The following SYT5 variants were observed in gnomAD, a reference collection of about 807,000 sequenced individuals.
SYT5 encodes the protein synaptotagmin-5.
In SYT5, 29 loss-of-function variants were observed where a neutral mutation model predicts 36.0. The ratio of observed to expected loss-of-function variants is 0.81; its 90% CI spans 0.60 to 1.10. SYT5 has a LOEUF of 1.10. Among genes scored for constraint, SYT5 ranks in the 50% least tolerant of loss-of-function variants. The pLI, the probability that SYT5 is intolerant of heterozygous loss-of-function variation, is 0.00. For synonymous variants in SYT5, 231 were observed against 227.6 expected, an observed-to-expected ratio of 1.02 and a Z score of -0.14; for missense variants, 512 against 516.0, an observed-to-expected ratio of 0.99 and a Z score of 0.08.
Position 55,175,094 on chromosome 19 carries a change from A to G in SYT5, c.708+78T>C, listed in dbSNP as rs369241882. On this transcript the variant is annotated intron_variant, in intron 6 of 8. Transcript: ENST00000354308. The surrounding 1 kb of genome is among the most constrained non-coding windows in gnomAD (Gnocchi z 4.5). Reference sequence around the variant, plus strand: ...GCCGCCCTGAGGGTCTGGAAAGCCTATGATCTGATTGGCTCAGGATGTTGT... The same window carrying G: ...GCCGCCCTGAGGGTCTGGAAAGCCTGTGATCTGATTGGCTCAGGATGTTGT... 3.8e-6 allele frequency: 6 copies of G among 1,589,784 alleles called. No individual in the cohort carries two copies. The highest frequency in any genetic ancestry group is 1.3e-5 in the African/African-American group (1 of 74,668).
At position 55,178,191 on chromosome 19, in the gene SYT5, CA is replaced by C; in HGVS notation, c.252+4del. 3 of 1,606,536 alleles carry C rather than the reference CA, an allele frequency of 1.9e-6. No individual in the cohort carries two copies. Among genetic ancestry groups the C allele is most frequent in the Non-Finnish European group, 2.5e-6 (3 of 1,176,740 alleles). ...GCCAGGTGGAGGGGCTGGGCTGGGC[CA>C]CACCTTGTCTATGTAACTCTGGCCC... is the stretch of plus-strand genomic sequence containing the variant. On this transcript the variant is annotated splice_donor_region_variant and intron_variant, in intron 3 of 8. Coordinates refer to ENST00000354308, the MANE Select transcript of SYT5 (RefSeq NM_003180.3).
rs761982837 is a variant in SYT5, at chr19:55,178,980, C to G, written c.62G>C (p.Arg21Pro). 6 of 1,570,930 alleles carry G rather than the reference C, an allele frequency of 3.8e-6. No individual in the cohort carries two copies. Among genetic ancestry groups the G allele is most frequent in the Non-Finnish European group, 5.2e-6 (6 of 1,158,908 alleles). ...TTGCTCACCTGGGCCGTGGCTGATGCGACTGGAGTCGGGAGGCGTGTCGGG... is the reference window on the plus strand; with the variant it reads ...TTGCTCACCTGGGCCGTGGCTGATGGGACTGGAGTCGGGAGGCGTGTCGGG... ...PSPDTPPDSS[R>P]ISHGPVPPWA... Residue 21 changes from arginine to proline, a missense_variant, in exon 2 of 9, where the codon CGC (arginine) becomes CCC (proline). Transcript: ENST00000354308.
In SYT5 at chr19:55,172,351, G is replaced by A. The variant is rs2086013820; in HGVS notation, c.*1133C>T. On this transcript the variant is annotated 3_prime_UTR_variant, in exon 9 of 9. Coordinates refer to ENST00000354308, the MANE Select transcript of SYT5 (RefSeq NM_003180.3). ...CAGGAGAATGGCGTGAACCCGGGAGGAGGAGCTTGCAGTGAGCCGAAATCG... is the reference window on the plus strand; with the variant it reads ...CAGGAGAATGGCGTGAACCCGGGAGAAGGAGCTTGCAGTGAGCCGAAATCG... 6.6e-6 allele frequency: 1 copy of A among 151,904 alleles called. No homozygotes were observed. The highest frequency in any genetic ancestry group is 2.1e-4 in the South Asian group (1 of 4,830). 9.4% of individuals were successfully genotyped at this position (151,904 alleles called of 1,614,324 possible).
At chr19:55,178,867 G>T in intron 2 of SYT5, 96 bp downstream of exon 2, 1 of 1,110,342 alleles carries the variant, frequency 9.0e-7, no homozygotes, top group South Asian at 2.3e-5. Context: ...GGATTTTCCA[G>T]CCCGCCTGCC....
Position 55,178,296 on chromosome 19 carries a change from T to C in SYT5, c.152A>G (p.Tyr51Cys), listed in dbSNP as rs986946876. The change falls in exon 3 of 9, where the codon TAC (tyrosine) becomes TGC (cysteine). Residue 51 changes from tyrosine to cysteine, a missense_variant. Transcript: ENST00000354308. ...LLIFSCCFCL[Y>C]RKSCRRRTGK... Reference sequence around the variant, plus strand: ...TGTCCGCCTCCGACAGCTCTTCCGGTAGAGACAGAAACAGCAGCTGAAGAT... The same window carrying C: ...TGTCCGCCTCCGACAGCTCTTCCGGCAGAGACAGAAACAGCAGCTGAAGAT... The C allele has an allele frequency of 6.2e-7, 1 of 1,612,024 alleles. No homozygotes were observed. The highest frequency in any genetic ancestry group is 1.1e-5 in the South Asian group (1 of 90,412).
At chr19:55,178,168 C>A in intron 3 of SYT5, 28 bp downstream of exon 3, 1 of 1,600,968 alleles carries the variant, frequency 6.2e-7, no homozygotes. Flanking sequence ...GGGAAGGGGC[C>A]AGGTGGAGGG....
intron 3 of SYT5, 37 bp from the exon 4 acceptor site, chr19:55,176,161 C>T: frequency 6.2e-7 from 1 of 1,613,060 alleles, no homozygotes; most frequent in South Asian, 1.1e-5. Flanking sequence ...TGAAGTCTTC[C>T]CCTGATAGCA....
rs1166454231 is a variant in SYT5 at position 55,178,944 on chromosome 19, AC to A, written c.79+18del. ...AGGCTTTCTCTCTGCTCGGCCCCCC[AC>A]CCCCGGGTCTTGCTCACCTGGGCCG... On this transcript the variant is annotated intron_variant, in intron 2 of 8. Coordinates refer to ENST00000354308, the MANE Select transcript of SYT5 (RefSeq NM_003180.3). 2 of 1,478,230 alleles carry A rather than the reference AC, an allele frequency of 1.4e-6. No homozygotes were observed. Among genetic ancestry groups the A allele is most frequent in the Non-Finnish European group, 9.0e-7 (1 of 1,115,604 alleles). 91.6% of individuals were successfully genotyped at this position (1,478,230 alleles called of 1,614,324 possible). A position where few individuals can be genotyped will look rare whatever the true frequency, so the allele number is the denominator to read the frequency against.
In SYT5 at chr19:55,175,432, C is replaced by A; in HGVS notation, c.541-93G>T. 1 of 1,355,762 alleles carries A rather than the reference C, an allele frequency of 7.4e-7. No individual in the cohort carries two copies. The highest frequency in any genetic ancestry group is 2.8e-5 in the Admixed American group (1 of 35,268). The allele number at this position is 1,355,762 out of a possible 1,614,324, so 84.0% of individuals were successfully genotyped here. ...AGAAGGAAGGCATGGAGTGAGGCAGCGAGGGTCGAAGCGAACAGTTGGGGG... is the reference window on the plus strand; with the variant it reads ...AGAAGGAAGGCATGGAGTGAGGCAGAGAGGGTCGAAGCGAACAGTTGGGGG... On this transcript the variant is annotated intron_variant, in intron 5 of 8. Coordinates refer to ENST00000354308, the MANE Select transcript of SYT5 (RefSeq NM_003180.3). This position sits in a 1 kb window ranked among gnomAD's most constrained non-coding sequence, Gnocchi z 4.5.
intron 8 of SYT5, among the ~76,000 whole-genome samples, chr19:55,174,252 C>G (rs907628359): frequency 3.2e-5 from 3 of 93,236 alleles, no homozygotes; most frequent in Non-Finnish European, 5.9e-5. Context: ...CATACTGATC[C>G]TGCTTAGGGT....
chr19:55,174,431 A>G, intron 8 of SYT5, 86 bp downstream of exon 8: 2 of 1,533,532 alleles, frequency 1.3e-6, no homozygotes, highest in Non-Finnish European at 1.8e-6. Context: ...CCTGGTTTCT[A>G]GGGAGATGCT....
At position 55,179,986 on chromosome 19, in the gene SYT5, T is replaced by C; in HGVS notation, c.-46+131A>G. ...TACCTGTCTCGCGTCCCCAGATCCCTGTCTCTCCGCTTCAGGCTGCTGCCC... is the reference window on the plus strand; with the variant it reads ...TACCTGTCTCGCGTCCCCAGATCCCCGTCTCTCCGCTTCAGGCTGCTGCCC... On this transcript the variant is annotated intron_variant, in intron 1 of 8. Transcript: ENST00000354308. This position sits in a 1 kb window ranked among gnomAD's most constrained non-coding sequence, Gnocchi z 4.5. 6.5e-6 allele frequency: 1 copy of C among 152,884 alleles called. No individual in the cohort carries two copies. Among genetic ancestry groups the C allele is most frequent in the African/African-American group, 2.4e-5 (1 of 41,562 alleles). The allele number at this position is 152,884 out of a possible 1,614,324, so 9.5% of individuals were successfully genotyped here.
Position 55,171,305 on chromosome 19 carries a change from C to CCACACACACACACACACA in SYT5, c.*2161_*2178dup, listed in dbSNP as rs56973053. On this transcript the variant is annotated 3_prime_UTR_variant, in exon 9 of 9. Transcript: ENST00000354308. ...GTCTTCATAAAGACATGCTCTACAG[C>CCACACACACACACACACA]CACACACACACACACACACACACAC... 1 of 145,158 alleles carries CCACACACACACACACACA rather than the reference C, an allele frequency of 6.9e-6. No individual in the cohort carries two copies. The highest frequency in any genetic ancestry group is 1.5e-5 in the Non-Finnish European group (1 of 65,466). 9.0% of individuals were successfully genotyped at this position (145,158 alleles called of 1,614,324 possible).
In SYT5 at chr19:55,174,996, C is replaced by T. The variant is rs977111480; in HGVS notation, c.712G>A (p.Glu238Lys). ...ELQAAPREEQ[E>K]KLGDICFSLR... ...GAGAAGCAGATGTCCCCAAGCTTCT[C>T]CTGCTGAAAGGAGAGGGGCCCATCA... Residue 238 changes from glutamate (E) to lysine (K), a missense_variant, in exon 7 of 9, where the codon GAG becomes AAG. Glu to Lys is a moderately conservative substitution (Grantham distance 56). Transcript: ENST00000354308. The T allele has an allele frequency of 6.2e-7, 1 of 1,613,066 alleles. No individual in the cohort carries two copies. Among genetic ancestry groups the T allele is most frequent in the Admixed American group, 1.7e-5 (1 of 60,020 alleles).
chr19:55,175,240 T>C lies in SYT5; in HGVS notation c.640A>G (p.Met214Val), dbSNP rs775436997. 2.3e-5 allele frequency: 37 copies of C among 1,610,804 alleles called. No homozygotes were observed. Among genetic ancestry groups the C allele is most frequent in the Admixed American group, 1.2e-4 (7 of 59,026 alleles). Residue 214 changes from methionine to valine, a missense_variant, in exon 6 of 9, where the codon ATG becomes GTG. Met to Val is a conservative substitution (Grantham distance 21). Coordinates refer to ENST00000354308, the MANE Select transcript of SYT5 (RefSeq NM_003180.3). The surrounding 1 kb of genome is among the most constrained non-coding windows in gnomAD (Gnocchi z 4.5). ...NDAIGEVRVPMSSVDLGRPVQ... is the reference protein window; with the variant it reads ...NDAIGEVRVPVSSVDLGRPVQ... ...GGCCGCCCCAGGTCCACGGAGCTCATAGGGACCCGCACCTCCCCGATGGCG... is the reference window on the plus strand; with the variant it reads ...GGCCGCCCCAGGTCCACGGAGCTCACAGGGACCCGCACCTCCCCGATGGCG...
chr19:55,176,131 G>T lies in SYT5; in HGVS notation c.253-7C>A. Reference sequence around the variant, plus strand: ...CCTCTACTTCTGGCTGCACCTTAAGGAGCCAGGGGTAAGGGTGGGTGAAGT... The same window carrying T: ...CCTCTACTTCTGGCTGCACCTTAAGTAGCCAGGGGTAAGGGTGGGTGAAGT... On this transcript the variant is annotated splice_region_variant and splice_polypyrimidine_tract_variant and intron_variant, in intron 3 of 8. Coordinates refer to ENST00000354308, the MANE Select transcript of SYT5 (RefSeq NM_003180.3). 1 of 1,614,026 alleles carries T rather than the reference G, an allele frequency of 6.2e-7. No individual in the cohort carries two copies. Among genetic ancestry groups the T allele is most frequent in the Non-Finnish European group, 8.5e-7 (1 of 1,180,040 alleles).
chr19:55,179,154 G>A lies in SYT5; in HGVS notation c.-45-68C>T. ...CACAACAAAGAACTCCAACTCCCAT[G>A]AGGCCTTTGCGCGAACAGCCGCGCA... On this transcript the variant is annotated intron_variant, in intron 1 of 8. Coordinates refer to ENST00000354308, the MANE Select transcript of SYT5 (RefSeq NM_003180.3). The surrounding 1 kb of genome is among the most constrained non-coding windows in gnomAD (Gnocchi z 4.5). 1 of 1,537,414 alleles carries A rather than the reference G, an allele frequency of 6.5e-7. No individual in the cohort carries two copies. Among genetic ancestry groups the A allele is most frequent in the East Asian group, 2.5e-5 (1 of 40,780 alleles).
In SYT5 at chr19:55,176,049, C is replaced by T. The variant is rs781247231; in HGVS notation, c.328G>A (p.Gly110Arg). 2 of 1,614,170 alleles carry T rather than the reference C, an allele frequency of 1.2e-6. No homozygotes were observed. The highest frequency in any genetic ancestry group is 8.5e-7 in the Non-Finnish European group (1 of 1,180,014). ...TAATCCAGGGAGTACTGCAGTCGTC[C>T]TAGCTCATGCTTGTCTGCCACCTGC... ...GQQVADKHEL[G>R]RLQYSLDYDF... is the part of the protein sequence containing the mutation. The change falls in exon 4 of 9, where the codon GGA becomes AGA. Residue 110 changes from glycine to arginine, a missense_variant. By Grantham distance (125) the Gly-to-Arg change is moderately radical (BLOSUM62 -2). Coordinates refer to ENST00000354308, the MANE Select transcript of SYT5 (RefSeq NM_003180.3).
chr19:55,173,088 GC>G lies in SYT5; in HGVS notation c.*395del. 5.6e-6 allele frequency: 1 copy of G among 179,022 alleles called. No homozygotes were observed. The allele number at this position is 179,022 out of a possible 1,614,324, so 11.1% of individuals were successfully genotyped here. A position where few individuals can be genotyped will look rare whatever the true frequency, so the allele number is the denominator to read the frequency against. On this transcript the variant is annotated 3_prime_UTR_variant, in exon 9 of 9. Coordinates refer to ENST00000354308, the MANE Select transcript of SYT5 (RefSeq NM_003180.3). The surrounding 1 kb of genome is among the most constrained non-coding windows in gnomAD (Gnocchi z 5.4). Reference sequence around the variant, plus strand: ...TGCCCACCCCCATCAAGGAGCATGGGCCCAGGCCACCGGAGCTGCTGAATAT... The same window carrying G: ...TGCCCACCCCCATCAAGGAGCATGGGCCAGGCCACCGGAGCTGCTGAATAT...
Sources: allele counts gnomAD v4.1 joint callset (sites outside exome capture counted in the v4.1 genomes callset), GRCh38; gene constraint gnomAD v4.1.1; non-coding constraint Gnocchi (gnomAD v3.1); transcripts MANE v1.5; gene names NCBI Gene and HGNC (gene_info 2026-07-23, HGNC 2026-07-21).